Variants in RAB27B observed in about 807,000 individuals in gnomAD.
The protein encoded by RAB27B is RAB27B, member RAS oncogene family, also known as ras-related protein Rab-27B.
A neutral mutation model predicts 24.6 loss-of-function variants in RAB27B; 15 were observed. The ratio of observed to expected loss-of-function variants is 0.61; its 90% CI spans 0.41 to 0.94. RAB27B has a LOEUF of 0.94. RAB27B is among the 40% of genes least tolerant of loss of function. The pLI, the probability that RAB27B is intolerant of heterozygous loss-of-function variation, is 0.00. For synonymous variants in RAB27B, 105 were observed against 92.5 expected (o/e 1.14, Z -0.78); for missense variants, 261 against 266.8 (o/e 0.98, Z 0.15).
At chr18:54,795,773 A>G (rs936524745) in intron 2 of RAB27B, among the ~76,000 whole-genome samples, 9 of 152,260 alleles carry the variant, frequency 5.9e-5, no homozygotes, top group East Asian at 1.9e-4. Context: ...TCAGTTTTGC[A>G]TGTATGCATT....
At position 54,841,157 on chromosome 18, in the gene RAB27B, GGCGGT is replaced by G. The variant is rs1386250143; in HGVS notation, c.-20+12459_-20+12463del. On this transcript the variant is annotated intron_variant, in intron 1 of 5. Coordinates refer to ENST00000262094, the MANE Select transcript of RAB27B (RefSeq NM_004163.4). ...GAAAGACTCTGTCTTTGGGTGGCGG[GGCGGT>G]GGGGGGTTTGGTGAGAGGGGCGGGA... 7.3e-4 allele frequency among the ~76,000 whole-genome samples: 93 copies of G among 128,266 alleles called. 11 individuals carry two copies. The highest frequency in any genetic ancestry group is 2.3e-3 in the African/African-American group (78 of 33,450). The allele number at this position is 128,266 out of a possible 152,430, so 84.1% of individuals were successfully genotyped here.
In RAB27B at chr18:54,890,533, C is replaced by G. The variant is rs1219743701; in HGVS notation, c.*1120C>G. 2 of 152,060 alleles carry G rather than the reference C, an allele frequency of 1.3e-5. No homozygotes were observed. Among genetic ancestry groups the G allele is most frequent in the Non-Finnish European group, 1.5e-5 (1 of 67,980 alleles). The allele number at this position is 152,060 out of a possible 1,614,324, so 9.4% of individuals were successfully genotyped here. ...CATATTTCTTCCCTCCAAATTTCAC[C>G]CATTCCTGACTTTGAATCAATTGCA... is the stretch of plus-strand genomic sequence containing the variant. On this transcript the variant is annotated 3_prime_UTR_variant, in exon 6 of 6. Transcript: ENST00000262094.
chr18:54,734,548 T>G (rs1398861831), intron 2 of RAB27B, among the ~76,000 whole-genome samples: 2 of 148,122 alleles, frequency 1.4e-5, no homozygotes, highest in South Asian at 2.1e-4. Context: ...TAGGTTCTCA[T>G]AATGACTTGA....
chr18:54,757,617 A>G (rs911138702), intron 2 of RAB27B, among the ~76,000 whole-genome samples: 2 of 152,172 alleles, frequency 1.3e-5, no homozygotes, highest in African/African-American at 2.4e-5. Context: ...ACAAATTTGT[A>G]TAAATTATAA....
At chr18:54,799,323 C>A (rs992476545) in intron 2 of RAB27B, among the ~76,000 whole-genome samples, 3 of 152,050 alleles carry the variant, frequency 2.0e-5, no homozygotes, top group Non-Finnish European at 4.4e-5. Flanking sequence ...AGTGATTTCT[C>A]TCAGACTTAA....
chr18:54,858,815 G>C (rs1911894514), intron 1 of RAB27B, among the ~76,000 whole-genome samples: 2 of 152,144 alleles, frequency 1.3e-5, no homozygotes, highest in Admixed American at 1.3e-4. Context: ...AACGAGTTAG[G>C]AAGAGCATTC....
chr18:54,871,019 A>G (rs1912442540), intron 1 of RAB27B, among the ~76,000 whole-genome samples: 1 of 152,222 alleles, frequency 6.6e-6, no homozygotes. Context: ...AAAAGATGCA[A>G]CTAAACTAAG....
chr18:54,849,574 A>T (rs1038078056), intron 1 of RAB27B, among the ~76,000 whole-genome samples: 8 of 152,132 alleles, frequency 5.3e-5, no homozygotes, highest in African/African-American at 1.9e-4. Flanking sequence ...TATAAAAATT[A>T]GCCAGACGTG....
At chr18:54,850,359 T>TATATATATATACACAC in intron 1 of RAB27B, among the ~76,000 whole-genome samples, 1 of 126,874 alleles carries the variant, frequency 7.9e-6, no homozygotes, top group African/African-American at 3.1e-5. Context: ...TATATATATA[T>TATATATATATACACAC]ACATACATAC....
At chr18:54,784,285 T>G (rs1909010695) in intron 2 of RAB27B, among the ~76,000 whole-genome samples, 1 of 152,236 alleles carries the variant, frequency 6.6e-6, no homozygotes, top group Admixed American at 6.5e-5. Flanking sequence ...GCATTCCATT[T>G]TCTTTTTTTA....
chr18:54,786,861 G>A (rs938056003), intron 2 of RAB27B, among the ~76,000 whole-genome samples: 6 of 152,176 alleles, frequency 3.9e-5, no homozygotes, highest in Non-Finnish European at 7.3e-5. Context: ...GATAAACATG[G>A]CCTTACAATT....
intron 4 of RAB27B, among the ~76,000 whole-genome samples, chr18:54,887,427 T>C (rs1309692135): frequency 6.6e-6 from 1 of 152,072 alleles, no homozygotes; most frequent in Non-Finnish European, 1.5e-5. Context: ...GAAGATATGC[T>C]GTATTATTAG....
At chr18:54,882,934 G>A (rs777829603) in intron 3 of RAB27B, among the ~76,000 whole-genome samples, 7 of 152,132 alleles carry the variant, frequency 4.6e-5, no homozygotes, top group South Asian at 2.1e-4. Context: ...AACTGGACAC[G>A]GGAAGCCTAA....
chr18:54,780,086 C>G (rs1908853807), intron 2 of RAB27B, among the ~76,000 whole-genome samples: 1 of 132,230 alleles, frequency 7.6e-6, no homozygotes, highest in Admixed American at 7.9e-5. Flanking sequence ...GCGTCTCCGC[C>G]CGTCCTGACA....
At chr18:54,770,320 G>A (rs182284419) in intron 2 of RAB27B, among the ~76,000 whole-genome samples, 45 of 152,184 alleles carry the variant, frequency 3.0e-4, no homozygotes, top group African/African-American at 1.0e-3. Context: ...TACCGCCCAA[G>A]CTCCACCTCC....
chr18:54,823,446 G>A (rs970176381), intron 2 of RAB27B, among the ~76,000 whole-genome samples: 1 of 152,182 alleles, frequency 6.6e-6, no homozygotes, highest in African/African-American at 2.4e-5. Context: ...TTTTTAAGAG[G>A]ATGGTGAAGG....
chr18:54,858,825 C>A (rs1227045046), intron 1 of RAB27B, among the ~76,000 whole-genome samples: 1 of 152,146 alleles, frequency 6.6e-6, no homozygotes, highest in Middle Eastern at 3.2e-3. Flanking sequence ...GAAGAGCATT[C>A]TTTGACACTG....
At chr18:54,850,309 A>G (rs995038784) in intron 1 of RAB27B, among the ~76,000 whole-genome samples, 2 of 129,102 alleles carry the variant, frequency 1.5e-5, no homozygotes, top group South Asian at 5.2e-4. Context: ...ATACCTGTAT[A>G]TTTATTTAAA....
chr18:54,866,709 C>G (rs1912242666), intron 1 of RAB27B, among the ~76,000 whole-genome samples: 1 of 152,206 alleles, frequency 6.6e-6, no homozygotes, highest in African/African-American at 2.4e-5. Flanking sequence ...TGCTGACAGA[C>G]ACTCTTGTGG....
Sources: allele counts gnomAD v4.1 joint callset (sites outside exome capture counted in the v4.1 genomes callset), GRCh38; gene constraint gnomAD v4.1.1; transcripts MANE v1.5; gene names NCBI Gene and HGNC (gene_info 2026-07-23, HGNC 2026-07-21).